Variants in PI4KA observed in about 807,000 individuals in gnomAD.
PI4KA encodes the protein phosphatidylinositol 4-kinase alpha.
In PI4KA, 122 loss-of-function variants were observed where a neutral mutation model predicts 271.4. The observed-to-expected ratio is 0.45, with a 90% CI of 0.39 to 0.52. PI4KA has a LOEUF of 0.52. Among genes scored for constraint, PI4KA ranks in the 20% least tolerant of loss-of-function variants. PI4KA has a pLI of 0.00. For missense variants in PI4KA, 1,969 were observed against 2,769.1 expected (o/e 0.71, Z 6.48); for synonymous variants, 1,041 against 1,078.8 (o/e 0.96, Z 0.69).
chr22:20,840,041 CTGTCCTATGCAATACTTTA>C (rs1925360277), intron 1 of PI4KA, among the ~76,000 whole-genome samples: 1 of 152,174 alleles, frequency 6.6e-6, no homozygotes, highest in South Asian at 2.1e-4. Flanking sequence ...GTACTTTGCT[CTGTCCTATGCAATACTTTA>C]TCAATACCCT....
intron 19 of PI4KA, among the ~76,000 whole-genome samples, chr22:20,776,383 T>A (rs1405642574): frequency 6.6e-6 from 1 of 152,186 alleles, no homozygotes; most frequent in East Asian, 1.9e-4. Flanking sequence ...TGTAAACTAG[T>A]GGCACTGCAG....
intron 1 of PI4KA, among the ~76,000 whole-genome samples, chr22:20,841,673 T>C (rs976169185): frequency 6.6e-6 from 1 of 152,194 alleles, no homozygotes; most frequent in Non-Finnish European, 1.5e-5. Flanking sequence ...AAGCTGTGAA[T>C]ATGTTACTTT....
intron 22 of PI4KA, among the ~76,000 whole-genome samples, chr22:20,762,237 C>G (rs1250652929): frequency 6.6e-6 from 1 of 152,176 alleles, no homozygotes; most frequent in East Asian, 1.9e-4. Context: ...GGCCTCTGCA[C>G]CAACCTGTCA....
intron 3 of PI4KA, among the ~76,000 whole-genome samples, chr22:20,825,740 T>C (rs934054550): frequency 3.3e-5 from 5 of 152,156 alleles, no homozygotes; most frequent in Admixed American, 1.3e-4. Context: ...TTTTTTAATT[T>C]TTATTTCAGG....
At chr22:20,762,441 G>A (rs1049444319) in intron 22 of PI4KA, among the ~76,000 whole-genome samples, 5 of 152,224 alleles carry the variant, frequency 3.3e-5, no homozygotes, top group African/African-American at 1.2e-4. Flanking sequence ...TGCTAACAGA[G>A]TGCTCTCAAG....
intron 19 of PI4KA, among the ~76,000 whole-genome samples, chr22:20,774,758 CAAA>C (rs361993): frequency 2.7e-4 from 29 of 107,328 alleles, no homozygotes; most frequent in Admixed American, 3.7e-4. Flanking sequence ...TAGACTCCGT[CAAA>C]AAAAAAAAAA....
At chr22:20,759,836 A>T (rs1931770338) in intron 23 of PI4KA, among the ~76,000 whole-genome samples, 1 of 152,094 alleles carries the variant, frequency 6.6e-6, no homozygotes, top group African/African-American at 2.4e-5. Context: ...AAGTGCTGGG[A>T]TTACAAGTGT....
At chr22:20,856,965 A>C (rs944995433) in intron 1 of PI4KA, among the ~76,000 whole-genome samples, 3 of 152,192 alleles carry the variant, frequency 2.0e-5, no homozygotes, top group Non-Finnish European at 2.9e-5. Context: ...AGAATCCAGC[A>C]ATCAGTCATA....
intron 7 of PI4KA, 24 bp from the exon 8 acceptor site, chr22:20,813,530 C>T (rs1295523978): frequency 6.2e-7 from 1 of 1,611,964 alleles, no homozygotes; most frequent in South Asian, 1.1e-5. Flanking sequence ...AAGCTGGAAA[C>T]TCAGCCGTGG....
chr22:20,818,905 T>C (rs977200911), intron 6 of PI4KA, among the ~76,000 whole-genome samples: 1 of 152,214 alleles, frequency 6.6e-6, no homozygotes, highest in African/African-American at 2.4e-5. Flanking sequence ...ACTTTATGAC[T>C]ATGAAATCAC....
intron 3 of PI4KA, among the ~76,000 whole-genome samples, chr22:20,832,124 T>A (rs1924257131): frequency 6.6e-6 from 1 of 150,774 alleles, no homozygotes; most frequent in Non-Finnish European, 1.5e-5. Flanking sequence ...TTCTTTTTTT[T>A]TTTTTTTTTG....
At chr22:20,765,354 A>G in intron 20 of PI4KA, 118 bp from the exon 21 acceptor site, 3 of 1,124,590 alleles carry the variant, frequency 2.7e-6, no homozygotes, top group Non-Finnish European at 3.8e-6. Context: ...AAAACTAGGC[A>G]CAGAAACGAA....
intron 7 of PI4KA, among the ~76,000 whole-genome samples, chr22:20,816,556 G>T (rs899364366): frequency 1.3e-5 from 2 of 152,156 alleles, no homozygotes; most frequent in Non-Finnish European, 2.9e-5. Flanking sequence ...CCAGCTACTT[G>T]AAAGGGCAAG....
intron 45 of PI4KA, among the ~76,000 whole-genome samples, chr22:20,717,425 C>G (rs1926140544): frequency 6.6e-6 from 1 of 152,286 alleles, no homozygotes; most frequent in African/African-American, 2.4e-5. Context: ...GAACCCTCTT[C>G]TAGAGTAACA....
chr22:20,787,154 ATTTACGTAG>A (rs1934312788), intron 19 of PI4KA: 1 of 1,236,008 alleles, frequency 8.1e-7, no homozygotes, highest in Non-Finnish European at 1.2e-6. Flanking sequence ...TTCTGGCATC[ATTTACGTAG>A]TTTACGCTAC....
intron 22 of PI4KA, among the ~76,000 whole-genome samples, chr22:20,762,998 GTTTT>G (rs1045433588): frequency 1.5e-5 from 1 of 65,160 alleles, no homozygotes; most frequent in Non-Finnish European, 2.8e-5. Context: ...AACTGGCTAG[GTTTT>G]TTTGCTTTTT....
In PI4KA at chr22:20,858,714, G is replaced by A; in HGVS notation, c.12C>T (p.Ala4=). 6.9e-7 allele frequency: 1 copy of A among 1,447,326 alleles called. No homozygotes were observed. Among genetic ancestry groups the A allele is most frequent in the Non-Finnish European group, 9.0e-7 (1 of 1,105,200 alleles). 89.7% of individuals were successfully genotyped at this position (1,447,326 alleles called of 1,614,324 possible). Residue 4 remains alanine, a synonymous_variant, in exon 1 of 55, where the codon GCC becomes GCT. Transcript: ENST00000255882. ...CTCCGCCTCCGCCTCCCCGGGCCGG[G>A]GCCGCCGCCATCACCTCACGAGCCG... The part of the protein sequence containing the change: MAA[A]PARGGGGGGG...
At chr22:20,837,833 C>T (rs1486299334) in intron 2 of PI4KA, among the ~76,000 whole-genome samples, 1 of 152,076 alleles carries the variant, frequency 6.6e-6, no homozygotes, top group Non-Finnish European at 1.5e-5. Context: ...TGAGGCCAGG[C>T]ATGATGGCTC....
chr22:20,712,791 G>A lies in PI4KA; in HGVS notation c.5578C>T (p.Leu1860=), dbSNP rs528198701. 7.1e-6 allele frequency: 11 copies of A among 1,550,348 alleles called. No individual in the cohort carries two copies. In the Admixed American group the frequency reaches 7.8e-5, roughly 11 times the overall value. The change falls in exon 49 of 55, where the codon CTG becomes TTG. Residue 1860 remains leucine, a synonymous_variant. Transcript: ENST00000255882. Reference sequence around the variant, plus strand: ...AAGAGGTCGATGATCTGCAGGGCCAGCATGTCCTGGGAAGCCGGGAGGCGC... The same window carrying A: ...AAGAGGTCGATGATCTGCAGGGCCAACATGTCCTGGGAAGCCGGGAGGCGC... ...KVGDDCRQDM[L]ALQIIDLFKN...
Sources: allele counts gnomAD v4.1 joint callset (sites outside exome capture counted in the v4.1 genomes callset), GRCh38; gene constraint gnomAD v4.1.1; transcripts MANE v1.5; gene names NCBI Gene and HGNC (gene_info 2026-07-23, HGNC 2026-07-21).